The following PRKCQ variants were observed in gnomAD, a reference collection of about 807,000 sequenced individuals.
PRKCQ encodes protein kinase C theta.
In PRKCQ, 41 loss-of-function variants were observed where a neutral mutation model predicts 91.2. The ratio of observed to expected loss-of-function variants is 0.45; its 90% CI spans 0.35 to 0.58. The LOEUF (loss-of-function observed/expected upper bound fraction) is 0.58. PRKCQ is among the 20% of genes least tolerant of loss of function. The pLI, the probability that PRKCQ is intolerant of heterozygous loss-of-function variation, is 0.00. For missense variants in PRKCQ, 673 were observed against 896.5 expected (o/e 0.75, Z 3.18); for synonymous variants, 307 against 316.9 (o/e 0.97, Z 0.33).
Position 6,441,955 on chromosome 10 carries a change from G to A in PRKCQ, c.1774C>T (p.Arg592Cys), listed in dbSNP as rs764851728. Residue 592 changes from arginine to cysteine, a missense_variant, in exon 16 of 18, where the codon CGC becomes TGC. Arg to Cys is a radical substitution (Grantham distance 180, BLOSUM62 -3). Transcript: ENST00000263125. ...QDEEELFHSI[R>C]MDNPFYPRWL... The stretch of plus-strand genomic sequence containing the variant: ...CGTGGGTAAAAGGGATTGTCCATGC[G>A]GATGGAGTGGAAGAGCTCCTCCTCA... The A allele has an allele frequency of 3.1e-6, 5 of 1,614,034 alleles. No homozygotes were observed. The highest frequency in any genetic ancestry group is 1.7e-4 in the Middle Eastern group (1 of 6,048).
At chr10:6,462,504 G>C in intron 13 of PRKCQ, 139 bp from the exon 14 acceptor site, 1 of 691,182 alleles carries the variant, frequency 1.4e-6, no homozygotes, top group Non-Finnish European at 2.4e-6. Context: ...TCCTAACAAG[G>C]AAGATGTTGT....
intron 16 of PRKCQ, among the ~76,000 whole-genome samples, chr10:6,441,144 G>C (rs1015000322): frequency 2.0e-5 from 3 of 152,072 alleles, no homozygotes; most frequent in African/African-American, 4.8e-5. Flanking sequence ...TCAACCAGAG[G>C]CAGGGGAAGA....
intron 1 of PRKCQ, among the ~76,000 whole-genome samples, chr10:6,529,449 G>A (rs1839313314): frequency 6.6e-6 from 1 of 152,176 alleles, no homozygotes; most frequent in African/African-American, 2.4e-5. Context: ...TAGGTGCTCA[G>A]TGAGGAAGAG....
At chr10:6,415,744 CTCTT>C in the PRKCQ span, among the ~76,000 whole-genome samples, 16 of 76,256 alleles carry the variant, frequency 2.1e-4, no homozygotes, top group East Asian at 8.5e-3. Flanking sequence ...CTCTCTCTCT[CTCTT>C]TTTTTTTTTT....
intron 15 of PRKCQ, among the ~76,000 whole-genome samples, chr10:6,442,778 G>A (rs548796235): frequency 2.0e-5 from 3 of 152,132 alleles, no homozygotes; most frequent in South Asian, 2.1e-4. Flanking sequence ...CCTGGCCAAC[G>A]TGGTGAAACC....
chr10:6,535,739 C>T (rs543681176), intron 1 of PRKCQ, among the ~76,000 whole-genome samples: 4 of 152,266 alleles, frequency 2.6e-5, no homozygotes, highest in South Asian at 2.1e-4. Context: ...CTCCCCTCGC[C>T]GCGCCTCTTT....
chr10:6,504,910 T>C (rs1212439353), intron 4 of PRKCQ, among the ~76,000 whole-genome samples: 2 of 151,902 alleles, frequency 1.3e-5, no homozygotes, highest in Non-Finnish European at 2.9e-5. Context: ...TTTTTTTTTT[T>C]TGAGATGGTG....
intron 11 of PRKCQ, among the ~76,000 whole-genome samples, chr10:6,483,121 A>G (rs963987405): frequency 2.6e-5 from 4 of 152,204 alleles, no homozygotes; most frequent in Admixed American, 1.3e-4. Context: ...AAATGAAACA[A>G]ACACAAACAC....
At chr10:6,394,365 G>C in the PRKCQ span, among the ~76,000 whole-genome samples, 1 of 152,356 alleles carries the variant, frequency 6.6e-6, no homozygotes, top group East Asian at 1.9e-4. Context: ...CGATGGTCAG[G>C]TTCTTGAACT....
chr10:6,419,861 G>T, the PRKCQ span, among the ~76,000 whole-genome samples: 1 of 151,890 alleles, frequency 6.6e-6, no homozygotes, highest in Non-Finnish European at 1.5e-5. Flanking sequence ...GCTAATTTTT[G>T]TATTTTTAGT....
chr10:6,395,306 C>G, the PRKCQ span, among the ~76,000 whole-genome samples: 1 of 148,840 alleles, frequency 6.7e-6, no homozygotes, highest in African/African-American at 2.4e-5. Flanking sequence ...CCTCGTGATC[C>G]GCTCACCTCG....
In PRKCQ at chr10:6,553,297, C is replaced by T. The variant is rs138462582; in HGVS notation, c.-10+26914G>A. Among the ~76,000 whole-genome samples the T allele has an allele frequency of 1.1e-4, 17 of 152,152 alleles. No individual in the cohort carries two copies. The East Asian group carries it at 2.9e-3, about 26-fold the overall frequency. On this transcript the variant is annotated intron_variant, in intron 1 of 17. Coordinates refer to ENST00000263125, the MANE Select transcript of PRKCQ (RefSeq NM_006257.5). ...TTGAGCTCAGGACTTTGAGACCAGC[C>T]TGGGCAACATAGCAAAATCCTGCCT...
At chr10:6,466,412 CTA>C (rs1835658628) in intron 12 of PRKCQ, among the ~76,000 whole-genome samples, 1 of 152,192 alleles carries the variant, frequency 6.6e-6, no homozygotes, top group Admixed American at 6.5e-5. Context: ...TCAGTGTTTA[CTA>C]ACATGAGGGT....
intron 8 of PRKCQ, among the ~76,000 whole-genome samples, chr10:6,486,991 GA>G (rs888876070): frequency 7.3e-5 from 11 of 151,158 alleles, no homozygotes; most frequent in Non-Finnish European, 1.6e-4. Context: ...CCTCAGCTTT[GA>G]AAAAAAAATC....
intron 2 of PRKCQ, among the ~76,000 whole-genome samples, chr10:6,514,080 G>A (rs1256332277): frequency 6.6e-6 from 1 of 151,948 alleles, no homozygotes; most frequent in Non-Finnish European, 1.5e-5. Context: ...TTCCCTCTAT[G>A]CTCTGGTCCC....
intron 14 of PRKCQ, among the ~76,000 whole-genome samples, chr10:6,460,564 T>C (rs1180166566): frequency 6.6e-6 from 1 of 152,110 alleles, no homozygotes. Flanking sequence ...TGATCTCAGC[T>C]CACTGCAACC....
At chr10:6,416,480 T>C in the PRKCQ span, among the ~76,000 whole-genome samples, 11 of 152,226 alleles carry the variant, frequency 7.2e-5, no homozygotes, top group Non-Finnish European at 1.6e-4. Context: ...TTTCCATTCC[T>C]GAGTTACTTC....
In PRKCQ at chr10:6,576,608, T is replaced by C. The variant is rs544159038; in HGVS notation, c.-10+3603A>G. Among the ~76,000 whole-genome samples the C allele has an allele frequency of 3.7e-4, 57 of 152,320 alleles. 1 individual carries two copies. The highest frequency in any genetic ancestry group is 1.5e-3 in the Admixed American group (23 of 15,302). On this transcript the variant is annotated intron_variant, in intron 1 of 17. Transcript: ENST00000263125. The surrounding 1 kb of genome is among the most constrained non-coding windows in gnomAD (Gnocchi z 4.2). The stretch of plus-strand genomic sequence containing the variant: ...TTTCAGTTTTAGGAGATGAGAAGAA[T>C]CCTGTGGATGGATGATGGCAATGGT...
At chr10:6,579,266 G>A (rs1234776037) in intron 1 of PRKCQ, among the ~76,000 whole-genome samples, 1 of 152,136 alleles carries the variant, frequency 6.6e-6, no homozygotes, top group Non-Finnish European at 1.5e-5. Context: ...GACAGGAAGA[G>A]GGCACGGAGT....
Sources: allele counts gnomAD v4.1 joint callset (sites outside exome capture counted in the v4.1 genomes callset), GRCh38; gene constraint gnomAD v4.1.1; non-coding constraint Gnocchi (gnomAD v3.1); transcripts MANE v1.5; gene names NCBI Gene and HGNC (gene_info 2026-07-23, HGNC 2026-07-21).